The following PCDHA4 variants were observed in gnomAD, a reference collection of about 807,000 sequenced individuals.
PCDHA4 encodes the protein protocadherin alpha 4.
A neutral mutation model predicts 61.4 loss-of-function variants in PCDHA4; 49 were observed. The observed-to-expected ratio is 0.80, with a 90% confidence interval of 0.63 to 1.01. The LOEUF (loss-of-function observed/expected upper bound fraction) is 1.01. Among genes scored for constraint, PCDHA4 ranks in the 50% least tolerant of loss-of-function variants. The pLI, the probability that PCDHA4 is intolerant of heterozygous loss-of-function variation, is 0.00. For missense variants in PCDHA4, 1,254 were observed against 1,235.8 expected, an observed-to-expected ratio of 1.01 and a Z score of -0.22; for synonymous variants, 590 against 550.3, an observed-to-expected ratio of 1.07 and a Z score of -1.01.
At chr5:140,813,646 C>A (rs1168752687) in intron 1 of PCDHA4, 1 of 152,114 alleles carries the variant, frequency 6.6e-6, no homozygotes. Flanking sequence ...TTACTGTGCA[C>A]TAATGTAGAC....
chr5:140,829,381 G>T lies in PCDHA4; in HGVS notation c.2385+19809G>T. On this transcript the variant is annotated intron_variant, in intron 1 of 3. Coordinates refer to ENST00000530339, the MANE Select transcript of PCDHA4 (RefSeq NM_018907.4). ...AGTTGGTGGTAACCGCGCGGGACGG[G>T]GGCTCGCCTTCGCTGTGGGCCACCG... The T allele has an allele frequency of 1.9e-6, 3 of 1,614,200 alleles. No individual in the cohort carries two copies. In the South Asian group the frequency reaches 3.3e-5, roughly 18 times the overall value.
chr5:140,974,534 G>A (rs929112962), intron 1 of PCDHA4, among the ~76,000 whole-genome samples: 4 of 151,974 alleles, frequency 2.6e-5, no homozygotes, highest in Admixed American at 1.3e-4. Flanking sequence ...TTTTTGAGAC[G>A]GAGTTTTGCT....
intron 1 of PCDHA4, among the ~76,000 whole-genome samples, chr5:140,960,371 T>A (rs2095543916): frequency 6.6e-6 from 1 of 152,196 alleles, no homozygotes; most frequent in Non-Finnish European, 1.5e-5. Context: ...TGCCAACTCT[T>A]AAGTGCCAAG....
intron 1 of PCDHA4, among the ~76,000 whole-genome samples, chr5:140,844,419 T>C (rs1779369734): frequency 6.7e-6 from 1 of 149,576 alleles, no homozygotes; most frequent in South Asian, 2.1e-4. Flanking sequence ...AGACATGTTT[T>C]TTATTCTACA....
chr5:140,942,601 G>T (rs562403777), intron 1 of PCDHA4, among the ~76,000 whole-genome samples: 1 of 130,586 alleles, frequency 7.7e-6, no homozygotes, highest in South Asian at 2.4e-4. Flanking sequence ...TAATTATAGT[G>T]TTTATATTTG....
intron 1 of PCDHA4, among the ~76,000 whole-genome samples, chr5:140,833,650 C>T (rs1554133918): frequency 6.6e-6 from 1 of 152,108 alleles, no homozygotes; most frequent in African/African-American, 2.4e-5. Flanking sequence ...TCACATGATA[C>T]AAATTCTTCC....
intron 1 of PCDHA4, chr5:140,830,565 C>A: frequency 1.0e-6 from 1 of 976,906 alleles, no homozygotes; most frequent in South Asian, 3.1e-5. Context: ...TTCTATATTT[C>A]TGTTTTTAAT....
At chr5:140,838,083 T>TA (rs1554136873) in intron 1 of PCDHA4, among the ~76,000 whole-genome samples, 32 of 31,830 alleles carry the variant, frequency 1.0e-3, no homozygotes, top group African/African-American at 3.5e-3. Flanking sequence ...ATATAGTGTG[T>TA]GTGTGTGTGT....
intron 1 of PCDHA4, chr5:140,860,800 C>A (rs1270356784): frequency 1.3e-5 from 2 of 152,198 alleles, no homozygotes; most frequent in Non-Finnish European, 2.9e-5. Context: ...TGCAGTGGCA[C>A]GATCTCGGCT....
intron 1 of PCDHA4, among the ~76,000 whole-genome samples, chr5:140,956,666 G>T (rs1232573740): frequency 6.6e-6 from 1 of 152,088 alleles, no homozygotes; most frequent in African/African-American, 2.4e-5. Flanking sequence ...GGCCTTAAAG[G>T]AGTTAGGGAG....
intron 1 of PCDHA4, chr5:140,967,870 G>C (rs782622860): frequency 1.2e-6 from 2 of 1,614,152 alleles, no homozygotes; most frequent in Admixed American, 3.3e-5. Context: ...TGGTGCTCAC[G>C]GACCTGTATA....
At chr5:140,841,772 C>G (rs1359107093) in intron 1 of PCDHA4, 2 of 1,613,876 alleles carry the variant, frequency 1.2e-6, no homozygotes, top group Admixed American at 3.3e-5. Flanking sequence ...GCCAGACTCT[C>G]GGTTTCCGCT....
chr5:140,874,018 G>A (rs1033387450), intron 1 of PCDHA4, among the ~76,000 whole-genome samples: 2 of 152,114 alleles, frequency 1.3e-5, no homozygotes, highest in Admixed American at 1.3e-4. Context: ...TTTTGAAAAT[G>A]AAAAATAGGA....
chr5:140,921,942 C>G (rs1025333030), intron 1 of PCDHA4, among the ~76,000 whole-genome samples: 3 of 151,730 alleles, frequency 2.0e-5, no homozygotes, highest in Non-Finnish European at 4.4e-5. Context: ...TAATTTTACA[C>G]TTGTAAAATC....
At chr5:140,950,043 A>T (rs1011500100) in intron 1 of PCDHA4, among the ~76,000 whole-genome samples, 1 of 151,950 alleles carries the variant, frequency 6.6e-6, no homozygotes, top group Non-Finnish European at 1.5e-5. Flanking sequence ...TTACAACCAT[A>T]TAAGACTATT....
At chr5:140,967,306 C>G (rs1554229415) in intron 1 of PCDHA4, 2 of 1,612,350 alleles carry the variant, frequency 1.2e-6, no homozygotes, top group African/African-American at 2.7e-5. Flanking sequence ...TGGGCGCCAA[C>G]TCAGTACAGA....
At chr5:140,983,293 A>C (rs2097040232) in intron 3 of PCDHA4, among the ~76,000 whole-genome samples, 1 of 152,240 alleles carries the variant, frequency 6.6e-6, no homozygotes, top group African/African-American at 2.4e-5. Context: ...AAAATTGCTT[A>C]AACTCACATT....
chr5:140,968,206 G>A lies in PCDHA4; in HGVS notation c.2386-10743G>A, dbSNP rs782751494. Reference sequence around the variant, plus strand: ...ACTCCTATTCCATCTACATACAGGAGAACAATTTGCCAGGTGTGTTGCTCT... The same window carrying A: ...ACTCCTATTCCATCTACATACAGGAAAACAATTTGCCAGGTGTGTTGCTCT... On this transcript the variant is annotated intron_variant, in intron 1 of 3. Coordinates refer to ENST00000530339, the MANE Select transcript of PCDHA4 (RefSeq NM_018907.4). 170 of 1,613,876 alleles carry A rather than the reference G, an allele frequency of 1.1e-4. 1 individual carries two copies. Among genetic ancestry groups the A allele is most frequent in the Non-Finnish European group, 1.4e-4 (163 of 1,180,042 alleles).
At chr5:140,869,725 C>T (rs1326402140) in intron 1 of PCDHA4, 1 of 1,613,284 alleles carries the variant, frequency 6.2e-7, no homozygotes, top group Non-Finnish European at 8.5e-7. Flanking sequence ...AACTCCGGAA[C>T]TTAATTTGCT....
Sources: allele counts gnomAD v4.1 joint callset (sites outside exome capture counted in the v4.1 genomes callset), GRCh38; gene constraint gnomAD v4.1.1; transcripts MANE v1.5; gene names NCBI Gene and HGNC (gene_info 2026-07-23, HGNC 2026-07-21).